FHOD3: variants seen among roughly 807,000 people sequenced by gnomAD.
The protein encoded by FHOD3 is formin homology 2 domain containing 3, also known as FH1/FH2 domain-containing protein 3.
In FHOD3, 90 loss-of-function variants were observed where a neutral mutation model predicts 173.0. The ratio of observed to expected loss-of-function variants is 0.52; its 90% CI spans 0.44 to 0.62. The LOEUF (loss-of-function observed/expected upper bound fraction) is 0.62. Among genes scored for constraint, FHOD3 ranks in the 20% least tolerant of loss-of-function variants. FHOD3 has a pLI of 0.00. For synonymous variants in FHOD3, 828 were observed against 823.0 expected (o/e 1.01, Z -0.10); for missense variants, 1,945 against 2,034.7 (o/e 0.96, Z 0.85).
chr18:36,349,176 G>A (rs374816244), intron 1 of FHOD3, among the ~76,000 whole-genome samples: 51 of 152,284 alleles, frequency 3.3e-4, no homozygotes, highest in African/African-American at 1.1e-3. Context: ...GGCTGTGAGC[G>A]GGGGTGGCAG....
At chr18:36,317,611 A>G (rs567156625) in intron 1 of FHOD3, among the ~76,000 whole-genome samples, 118 of 152,214 alleles carry the variant, frequency 7.8e-4, no homozygotes, top group Admixed American at 1.3e-3. Flanking sequence ...AGTTCTTTGT[A>G]GATTCTGGAT....
chr18:36,606,295 A>C (rs2032061123), intron 8 of FHOD3, among the ~76,000 whole-genome samples: 2 of 152,174 alleles, frequency 1.3e-5, no homozygotes, highest in Non-Finnish European at 2.9e-5. Context: ...GTTCAATATC[A>C]AAGTATCAAG....
At chr18:36,752,343 G>T (rs777971771) in intron 24 of FHOD3, among the ~76,000 whole-genome samples, 3 of 152,168 alleles carry the variant, frequency 2.0e-5, no homozygotes, top group African/African-American at 4.8e-5. Flanking sequence ...CAGAAGACAA[G>T]TAAACACCAA....
At chr18:36,484,553 GCCT>G (rs1482697406) in intron 3 of FHOD3, among the ~76,000 whole-genome samples, 10 of 152,100 alleles carry the variant, frequency 6.6e-5, no homozygotes, top group African/African-American at 2.4e-4. Context: ...ATAAAAACAG[GCCT>G]CCTCATAATT....
At chr18:36,742,219 G>A (rs2041936857) in intron 21 of FHOD3, among the ~76,000 whole-genome samples, 1 of 152,116 alleles carries the variant, frequency 6.6e-6, no homozygotes, top group South Asian at 2.1e-4. Context: ...GTCTGAGGGA[G>A]GGTGATCATG....
chr18:36,448,624 C>T (rs1034385729), intron 3 of FHOD3, among the ~76,000 whole-genome samples: 3 of 152,170 alleles, frequency 2.0e-5, no homozygotes, highest in Admixed American at 6.5e-5. Flanking sequence ...TTTGTTTGGA[C>T]AGCCTTTTCC....
rs113935851 is a variant in FHOD3, at chr18:36,735,642, G to GT, written c.3576+4849dup. On this transcript the variant is annotated intron_variant, in intron 20 of 28. Transcript: ENST00000590592. ...AGATACTATCAAGATGCTTTAAAAA[G>GT]TTTTTTTTTTTAAGTTGCTACAGGA... Among the ~76,000 whole-genome samples the GT allele has an allele frequency of 5.9e-3, 864 of 147,346 alleles. 7 individuals are homozygous for GT. The highest frequency in any genetic ancestry group is 0.019 in the African/African-American group (760 of 40,386).
chr18:36,573,399 G>C (rs2058525986), intron 5 of FHOD3, among the ~76,000 whole-genome samples: 1 of 149,892 alleles, frequency 6.7e-6, no homozygotes, highest in Admixed American at 6.7e-5. Flanking sequence ...GAGCCCAGGA[G>C]TTTGAAACCA....
At chr18:36,451,077 T>C (rs1309879049) in intron 3 of FHOD3, among the ~76,000 whole-genome samples, 9 of 152,260 alleles carry the variant, frequency 5.9e-5, no homozygotes, top group Admixed American at 4.6e-4. Flanking sequence ...TTTACATTGT[T>C]AATATTTGCA....
intron 6 of FHOD3, among the ~76,000 whole-genome samples, chr18:36,588,919 C>T (rs1295633802): frequency 6.6e-6 from 1 of 152,204 alleles, no homozygotes; most frequent in Non-Finnish European, 1.5e-5. Flanking sequence ...CCCTTCCCTC[C>T]AGCCCAGCCT....
chr18:36,649,298 T>C lies in FHOD3; in HGVS notation c.1197-18T>C, dbSNP rs1216999092. On this transcript the variant is annotated intron_variant, in intron 10 of 28. Coordinates refer to ENST00000590592, the MANE Select transcript of FHOD3 (RefSeq NM_001281740.3). ...CATGTTGTCTGTGTGCATTTCTCTT[T>C]TCCTGGCTTTGTCTCAGGGAGGAGG... 1.3e-6 allele frequency: 2 copies of C among 1,534,154 alleles called. No homozygotes were observed. Among genetic ancestry groups the C allele is most frequent in the Non-Finnish European group, 1.7e-6 (2 of 1,145,314 alleles).
At chr18:36,562,007 T>C (rs535118449) in intron 5 of FHOD3, among the ~76,000 whole-genome samples, 1 of 151,670 alleles carries the variant, frequency 6.6e-6, no homozygotes, top group Admixed American at 6.6e-5. Flanking sequence ...TATTGTATTG[T>C]ATTGTATTGT....
chr18:36,507,723 G>C (rs921495943), intron 4 of FHOD3, among the ~76,000 whole-genome samples: 7 of 152,148 alleles, frequency 4.6e-5, no homozygotes, highest in African/African-American at 9.7e-5. Flanking sequence ...CTCCACTTCA[G>C]AGTATCCACG....
intron 5 of FHOD3, among the ~76,000 whole-genome samples, chr18:36,568,326 C>CAAAAAA (rs71168234): frequency 1.7e-4 from 4 of 24,064 alleles, no homozygotes; most frequent in Non-Finnish European, 2.3e-4. Flanking sequence ...GACTCTGTCT[C>CAAAAAA]AAAAAAAAAA....
chr18:36,572,561 T>A (rs192180315), intron 5 of FHOD3, among the ~76,000 whole-genome samples: 9 of 152,326 alleles, frequency 5.9e-5, no homozygotes, highest in African/African-American at 2.2e-4. Context: ...ACACTTGAAT[T>A]CCATTAGACA....
rs564339934 is a variant in FHOD3 at position 36,429,831 on chromosome 18, G to C, written c.337+57087G>C. ...ACTGCTGGCACTAGGGAGGAATCTT[G>C]TTGTTTTGCAGCAAGAAAAAGTGAG... On this transcript the variant is annotated intron_variant, in intron 3 of 28. Transcript: ENST00000590592. Among the ~76,000 whole-genome samples the C allele has an allele frequency of 2.6e-5, 4 of 152,210 alleles. No homozygotes were observed. The East Asian group carries it at 7.7e-4, about 29-fold the overall frequency.
rs188823518 is a variant in FHOD3 at position 36,423,837 on chromosome 18, C to G, written c.337+51093C>G. 9.5e-4 allele frequency among the ~76,000 whole-genome samples: 145 copies of G among 152,316 alleles called. No homozygotes were observed. The Middle Eastern group carries it at 0.02, about 21-fold the overall frequency. Reference sequence around the variant, plus strand: ...TAAAACAAGAATCCCTATTCTGTTTCCTTATCCTGCTGCTGTTTTTCACGG... The same window carrying G: ...TAAAACAAGAATCCCTATTCTGTTTGCTTATCCTGCTGCTGTTTTTCACGG... On this transcript the variant is annotated intron_variant, in intron 3 of 28. Coordinates refer to ENST00000590592, the MANE Select transcript of FHOD3 (RefSeq NM_001281740.3).
At chr18:36,387,916 G>A (rs1271187796) in intron 3 of FHOD3, among the ~76,000 whole-genome samples, 1 of 152,072 alleles carries the variant, frequency 6.6e-6, no homozygotes, top group East Asian at 1.9e-4. Context: ...TTCCTCTCTT[G>A]TGGAGAGGTT....
chr18:36,304,204 T>C (rs2092030856), intron 1 of FHOD3, among the ~76,000 whole-genome samples: 2 of 152,216 alleles, frequency 1.3e-5, no homozygotes, highest in Non-Finnish European at 2.9e-5. Context: ...TAAAGTGTGA[T>C]AATAGTATTG....
Sources: gnomAD v4.1 joint callset for allele counts (sites outside exome capture counted in the v4.1 genomes callset) on GRCh38, gnomAD v4.1.1 for gene constraint, MANE v1.5 for transcripts, NCBI Gene and HGNC (gene_info 2026-07-23, HGNC 2026-07-21) for gene names.